Variants in ZBTB18 observed in about 807,000 individuals in gnomAD.
The protein encoded by ZBTB18 is zinc finger and BTB domain-containing protein 18.
Under a neutral mutation model 37.7 loss-of-function variants are expected in ZBTB18, and 2 were observed. That is an observed-to-expected ratio of 0.05 (90% confidence interval 0.02 to 0.17). The LOEUF is 0.17. ZBTB18 is among the 10% of genes least tolerant of loss of function. The probability of loss-of-function intolerance (pLI) is 1.00; values close to 1 mark genes in which losing one functional copy is unlikely to be tolerated. For synonymous variants in ZBTB18, 304 were observed against 276.5 expected (o/e 1.10, Z -0.99); for missense variants, 408 against 686.3 (o/e 0.59, Z 4.53).
At chr1:244,048,599 G>GC (rs1553269248), upstream of ZBTB18, among the ~76,000 whole-genome samples, 3 of 120,504 alleles carry the variant, frequency 2.5e-5, no homozygotes, top group Admixed American at 1.8e-4. Context: ...GCGTCCTCCC[G>GC]CCCCCTCCCC....
At chr1:244,049,795 A>G (rs547446101), upstream of ZBTB18, among the ~76,000 whole-genome samples, 227 of 149,884 alleles carry the variant, frequency 1.5e-3, 1 homozygote, top group African/African-American at 5.4e-3. Context: ...ACAAAACCCC[A>G]ACCTCACAAA....
At position 244,054,224 on chromosome 1, in the gene ZBTB18, C is replaced by T. The variant is rs374037473; in HGVS notation, c.450C>T (p.Val150=). The T allele has an allele frequency of 4.3e-6, 7 of 1,613,956 alleles. No individual in the cohort carries two copies. The highest frequency in any genetic ancestry group is 2.2e-5 in the East Asian group (1 of 44,886). The change falls in exon 2 of 2, where the codon GTC becomes GTT. Residue 150 remains valine, a synonymous_variant. Transcript: ENST00000358704. The surrounding 1 kb of genome is among the most constrained non-coding windows in gnomAD (Gnocchi z 9.0). Reference sequence around the variant, plus strand: ...ATGCTTCAAGTTGTTCGGACAAAGTCGAGAGTCTCTCCGATGGCAGCAGCC... The same window carrying T: ...ATGCTTCAAGTTGTTCGGACAAAGTTGAGAGTCTCTCCGATGGCAGCAGCC... ...EEDASSCSDK[V]ESLSDGSSHI... is the part of the protein sequence containing the mutation.
At chr1:244,049,406 G>C (rs1698303500), upstream of ZBTB18, among the ~76,000 whole-genome samples, 3 of 149,508 alleles carry the variant, frequency 2.0e-5, no homozygotes, top group African/African-American at 4.9e-5. Context: ...GTGGCGCCCG[G>C]GACGGCCGCG....
At chr1:244,050,321 C>T (rs576944855), upstream of ZBTB18, among the ~76,000 whole-genome samples, 2 of 152,200 alleles carry the variant, frequency 1.3e-5, no homozygotes, top group East Asian at 3.9e-4. Flanking sequence ...GGTCGCGTTA[C>T]AGTTTCATCA....
chr1:244,053,974 A>G lies in ZBTB18; in HGVS notation c.200A>G (p.Asp67Gly). ...YFHLFYKDQL[D>G]KRDIVHLNSD... ...CACCTCTTTTACAAGGACCAGCTGG[A>G]CAAAAGAGACATTGTTCATCTGAAC... The change falls in exon 2 of 2, where the codon GAC becomes GGC. Residue 67 changes from aspartate (D) to glycine (G), a missense_variant. Physicochemically the swap from Asp to Gly is moderately conservative, Grantham distance 94 (BLOSUM62 -1). Coordinates refer to ENST00000358704, the MANE Select transcript of ZBTB18 (RefSeq NM_205768.3). The surrounding 1 kb of genome is among the most constrained non-coding windows in gnomAD (Gnocchi z 5.2). 1.2e-6 allele frequency: 2 copies of G among 1,614,090 alleles called. No individual in the cohort carries two copies. The highest frequency in any genetic ancestry group is 1.7e-6 in the Non-Finnish European group (2 of 1,180,028).
In ZBTB18 at chr1:244,054,414, G is replaced by A. The variant is rs201655512; in HGVS notation, c.640G>A (p.Ala214Thr). 5.0e-6 allele frequency: 8 copies of A among 1,614,150 alleles called. No homozygotes were observed. Among genetic ancestry groups the A allele is most frequent in the African/African-American group, 2.7e-5 (2 of 75,040 alleles). ...PQAGGEAEPH[A>T]TAAGKTVASP... ...GGCTGGCGGAGAGGCAGAGCCACAC[G>A]CCACAGCAGCTGGAAAAACAGTAGC... The change falls in exon 2 of 2, where the codon GCC (alanine) becomes ACC (threonine). Residue 214 changes from alanine (A) to threonine (T), a missense_variant. Ala to Thr is a moderately conservative substitution (Grantham distance 58). Around this residue, in one of 4 missense-constraint regions of ZBTB18, gnomAD observed 266 missense variants for 312.0 expected, o/e 0.85. Coordinates refer to ENST00000358704, the MANE Select transcript of ZBTB18 (RefSeq NM_205768.3). This position sits in a 1 kb window ranked among gnomAD's most constrained non-coding sequence, Gnocchi z 9.0.
chr1:244,049,845 AT>A (rs1236238736), upstream of ZBTB18, among the ~76,000 whole-genome samples: 6 of 151,356 alleles, frequency 4.0e-5, no homozygotes, highest in Non-Finnish European at 7.4e-5. Flanking sequence ...GAAGGGGTTG[AT>A]TTGTGGAGTG....
upstream of ZBTB18, among the ~76,000 whole-genome samples, chr1:244,050,445 A>C (rs1336797456): frequency 2.4e-5 from 3 of 127,572 alleles, no homozygotes; most frequent in Non-Finnish European, 3.3e-5. Context: ...CCCCCCCCCA[A>C]AGAAAAAAAA....
In ZBTB18 at chr1:244,055,446, A is replaced by G. The variant is rs1217645130; in HGVS notation, c.*76A>G. The G allele has an allele frequency of 3.8e-6, 2 of 523,260 alleles. No individual in the cohort carries two copies. Among genetic ancestry groups the G allele is most frequent in the Non-Finnish European group, 5.4e-6 (2 of 368,088 alleles). The allele number at this position is 523,260 out of a possible 1,614,324, so 32.4% of individuals were successfully genotyped here. On this transcript the variant is annotated 3_prime_UTR_variant, in exon 2 of 2. Coordinates refer to ENST00000358704, the MANE Select transcript of ZBTB18 (RefSeq NM_205768.3). This position sits in a 1 kb window ranked among gnomAD's most constrained non-coding sequence, Gnocchi z 7.0. ...TCTCTATATAGTTGTGGTACGGTCT[A>G]AAAGCAGTCTTGTTTCCTGGAAATA...
rs1698436963 is a variant in ZBTB18, at chr1:244,055,148, C to T, written c.1374C>T (p.Tyr458=). The T allele has an allele frequency of 6.2e-7, 1 of 1,613,998 alleles. No homozygotes were observed. The highest frequency in any genetic ancestry group is 2.2e-5 in the East Asian group (1 of 44,888). Residue 458 remains tyrosine, a synonymous_variant, in exon 2 of 2, where the codon TAC becomes TAT. Coordinates refer to ENST00000358704, the MANE Select transcript of ZBTB18 (RefSeq NM_205768.3). This position sits in a 1 kb window ranked among gnomAD's most constrained non-coding sequence, Gnocchi z 7.0. Reference sequence around the variant, plus strand: ...CCCAGTGCGGCAAGAGCTTCCAGTACTCGCACAACCTGAGCCGCCATGCCG... The same window carrying T: ...CCCAGTGCGGCAAGAGCTTCCAGTATTCGCACAACCTGAGCCGCCATGCCG... The part of the protein sequence containing the change: ...TCTQCGKSFQ[Y]SHNLSRHAVV...
rs768000553 is a variant in ZBTB18, at chr1:244,054,499, C to T, written c.725C>T (p.Ser242Leu). ...AGGTCTGTCACCTCCGTGAGGGATT[C>T]GGCAGATGTTGACTGTGTGCTGGAC... ...SQRSVTSVRDSADVDCVLDLS... is the reference protein window; with the variant it reads ...SQRSVTSVRDLADVDCVLDLS... The change falls in exon 2 of 2, where the codon TCG (serine) becomes TTG (leucine). Residue 242 changes from serine (S) to leucine (L), a missense_variant. This residue lies in a region of ZBTB18 where 266 missense variants were observed against 312.0 expected (regional missense o/e 0.85). Coordinates refer to ENST00000358704, the MANE Select transcript of ZBTB18 (RefSeq NM_205768.3). This position sits in a 1 kb window ranked among gnomAD's most constrained non-coding sequence, Gnocchi z 9.0. The T allele has an allele frequency of 7.4e-6, 12 of 1,614,206 alleles. No individual in the cohort carries two copies. Among genetic ancestry groups the T allele is most frequent in the South Asian group, 1.1e-5 (1 of 91,080 alleles).
upstream of ZBTB18, among the ~76,000 whole-genome samples, chr1:244,050,812 A>G (rs188799858): frequency 1.3e-4 from 20 of 152,358 alleles, no homozygotes; most frequent in African/African-American, 4.1e-4. Flanking sequence ...CAGCAGAAAA[A>G]AATAAAAAAG....
At chr1:244,048,615 CTCCCCCGCGCCCG>C (rs1698279348), upstream of ZBTB18, among the ~76,000 whole-genome samples, 1 of 132,508 alleles carries the variant, frequency 7.5e-6, no homozygotes, top group Non-Finnish European at 1.7e-5. Flanking sequence ...TCCCCTCCCC[CTCCCCCGCGCCCG>C]CCCCCCCCCC....
At chr1:244,049,840 G>A (rs777804792), upstream of ZBTB18, among the ~76,000 whole-genome samples, 1 of 152,116 alleles carries the variant, frequency 6.6e-6, no homozygotes, top group African/African-American at 2.4e-5. Flanking sequence ...GACGTGAAGG[G>A]GTTGATTTGT....
At chr1:244,049,388 C>T (rs1485035199), upstream of ZBTB18, among the ~76,000 whole-genome samples, 1 of 147,858 alleles carries the variant, frequency 6.8e-6, no homozygotes, top group Non-Finnish European at 1.5e-5. Context: ...GGAGCAGCCG[C>T]AGCTGCAGTG....
chr1:244,048,613 C>T (rs1371500935), upstream of ZBTB18, among the ~76,000 whole-genome samples: 1 of 135,376 alleles, frequency 7.4e-6, no homozygotes, highest in Non-Finnish European at 1.6e-5. Context: ...CCTCCCCTCC[C>T]CCTCCCCCGC....
Position 244,056,224 on chromosome 1 carries a change from AGT to A in ZBTB18, c.*856_*857del, listed in dbSNP as rs2148558691. ...TTGTTTGCATTGTATAACTTTAACGAGTGAGTTTAAAATTATTTAATTTCCTT... is the reference window on the plus strand; with the variant it reads ...TTGTTTGCATTGTATAACTTTAACGAGAGTTTAAAATTATTTAATTTCCTT... On this transcript the variant is annotated 3_prime_UTR_variant, in exon 2 of 2. Coordinates refer to ENST00000358704, the MANE Select transcript of ZBTB18 (RefSeq NM_205768.3). The A allele has an allele frequency of 6.0e-6, 1 of 167,170 alleles. No homozygotes were observed. Among genetic ancestry groups the A allele is most frequent in the African/African-American group, 2.4e-5 (1 of 41,572 alleles). 10.4% of individuals were successfully genotyped at this position (167,170 alleles called of 1,614,324 possible). A position where few individuals can be genotyped will look rare whatever the true frequency, so the allele number is the denominator to read the frequency against.
chr1:244,049,730 G>A (rs1041311040), upstream of ZBTB18, among the ~76,000 whole-genome samples: 5 of 152,244 alleles, frequency 3.3e-5, no homozygotes, highest in South Asian at 4.1e-4. Flanking sequence ...GGCGAACTAC[G>A]TAAAGATTTG....
In ZBTB18 at chr1:244,054,165, A is replaced by G. The variant is rs1461807141; in HGVS notation, c.391A>G (p.Thr131Ala). The G allele has an allele frequency of 1.9e-6, 3 of 1,614,078 alleles. No individual in the cohort carries two copies. Among genetic ancestry groups the G allele is most frequent in the Non-Finnish European group, 1.7e-6 (2 of 1,180,036 alleles). ...CAAAAAGAAGCTGAAAGAGAAAGCC[A>G]CCACGGAGGCAGACAGCACCAAAAA... The part of the protein sequence containing the change: ...VCKKKLKEKA[T>A]TEADSTKKEE... Residue 131 changes from threonine to alanine, a missense_variant, in exon 2 of 2, where the codon ACC becomes GCC. Thr to Ala is a moderately conservative substitution (Grantham distance 58). Transcript: ENST00000358704. This position sits in a 1 kb window ranked among gnomAD's most constrained non-coding sequence, Gnocchi z 9.0.
Sources: gnomAD v4.1 joint callset for allele counts (sites outside exome capture counted in the v4.1 genomes callset) on GRCh38, gnomAD v4.1.1 for gene constraint, gnomAD v4.1.1 regional missense constraint, Gnocchi (gnomAD v3.1) non-coding constraint, MANE v1.5 for transcripts, NCBI Gene and HGNC (gene_info 2026-07-23, HGNC 2026-07-21) for gene names.